Variants in ZNF787 observed in about 807,000 individuals in gnomAD.
ZNF787 encodes TTF-I-interacting peptide 20.
In ZNF787, 7 loss-of-function variants were observed where a neutral mutation model predicts 16.9. The observed-to-expected ratio is 0.42, with a 90% CI of 0.24 to 0.78. The LOEUF is 0.78. ZNF787 is among the 30% of genes least tolerant of loss of function. The pLI is 0.30. For missense variants in ZNF787, 551 were observed against 589.3 expected (o/e 0.94, Z 0.67); for synonymous variants, 345 against 270.9 (o/e 1.27, Z -2.69).
chr19:56,088,872 G>A lies in ZNF787; in HGVS notation c.300C>T (p.Gly100=). ...GERPNACADC[G]KTFSQSSHLV... is the part of the protein sequence containing the mutation. The stretch of plus-strand genomic sequence containing the variant: ...GGTGCGAGCTCTGCGAGAAGGTCTT[G>A]CCGCAGTCGGCGCAGGCGTTGGGCC... The change falls in exon 3 of 3, where the codon GGC becomes GGT. Residue 100 remains glycine, a synonymous_variant. Transcript: ENST00000610935. This position sits in a 1 kb window ranked among gnomAD's most constrained non-coding sequence, Gnocchi z 8.6. 6.2e-7 allele frequency: 1 copy of A among 1,608,100 alleles called. No individual in the cohort carries two copies. Among genetic ancestry groups the A allele is most frequent in the East Asian group, 2.2e-5 (1 of 44,658 alleles).
intron 1 of ZNF787, among the ~76,000 whole-genome samples, chr19:56,120,909 C>T (rs1277007062): frequency 7.3e-6 from 1 of 136,938 alleles, no homozygotes; most frequent in African/African-American, 2.7e-5. Context: ...CGCACGCGCA[C>T]CCCCCCTCCA....
intron 1 of ZNF787, among the ~76,000 whole-genome samples, chr19:56,104,689 CCAA>C (rs1462628168): frequency 2.0e-5 from 3 of 152,178 alleles, no homozygotes; most frequent in African/African-American, 7.2e-5. Context: ...TCTACGCACA[CCAA>C]CACCAACCTG....
chr19:56,117,048 T>G (rs57799124), intron 1 of ZNF787, among the ~76,000 whole-genome samples: 2 of 152,190 alleles, frequency 1.3e-5, no homozygotes, highest in East Asian at 3.9e-4. Flanking sequence ...CAGGGCAGGG[T>G]GGGATCTGGC....
intron 2 of ZNF787, among the ~76,000 whole-genome samples, chr19:56,096,444 G>T (rs1985877850): frequency 6.6e-6 from 1 of 151,302 alleles, no homozygotes; most frequent in Non-Finnish European, 1.5e-5. Flanking sequence ...GATAGGCTGG[G>T]CCGCTCATGC....
chr19:56,117,631 G>A (rs1439698600), intron 1 of ZNF787, among the ~76,000 whole-genome samples: 1 of 152,242 alleles, frequency 6.6e-6, no homozygotes, highest in Admixed American at 6.5e-5. Flanking sequence ...AACGGCATTT[G>A]TCCCCTTTAA....
chr19:56,111,065 A>G (rs909302057), intron 1 of ZNF787, among the ~76,000 whole-genome samples: 1 of 152,276 alleles, frequency 6.6e-6, no homozygotes, highest in Non-Finnish European at 1.5e-5. Flanking sequence ...ATATACCTAC[A>G]TGAAAAGTAG....
rs544587935 is a variant in ZNF787, at chr19:56,090,191, G to A, written c.80-1099C>T. 5.3e-5 allele frequency among the ~76,000 whole-genome samples: 8 copies of A among 152,280 alleles called. No homozygotes were observed. The East Asian group carries it at 5.8e-4, about 11-fold the overall frequency. ...GCCCAAACACCCTCCCAGATGCCAC[G>A]CTGGCAAACACGCAAGGAAGGGCCA... On this transcript the variant is annotated intron_variant, in intron 2 of 2. Coordinates refer to ENST00000610935, the MANE Select transcript of ZNF787 (RefSeq NM_001002836.4).
In ZNF787 at chr19:56,088,096, C is replaced by T. The variant is rs745357409; in HGVS notation, c.1076G>A (p.Gly359Glu). 2.0e-6 allele frequency: 3 copies of T among 1,518,396 alleles called. No homozygotes were observed. Among genetic ancestry groups the T allele is most frequent in the African/African-American group, 1.4e-5 (1 of 69,266 alleles). 94.1% of individuals were successfully genotyped at this position (1,518,396 alleles called of 1,614,324 possible). Reference sequence around the variant, plus strand: ...CTCGTCGTCGTCGTCCTCCTCCTCCCCGCCCGCGCGGTAGTAGCTCTGTCC... The same window carrying T: ...CTCGTCGTCGTCGTCCTCCTCCTCCTCGCCCGCGCGGTAGTAGCTCTGTCC... ...SCGQSYYRAG[G>E]EEEDDDDEAA... The change falls in exon 3 of 3, where the codon GGG (glycine) becomes GAG (glutamate). Residue 359 changes from glycine (G) to glutamate (E), a missense_variant. Around this residue, in one of 4 missense-constraint regions of ZNF787, gnomAD observed 392 missense variants for 312.7 expected, o/e 1.25. Coordinates refer to ENST00000610935, the MANE Select transcript of ZNF787 (RefSeq NM_001002836.4). This position sits in a 1 kb window ranked among gnomAD's most constrained non-coding sequence, Gnocchi z 8.6.
At position 56,088,740 on chromosome 19, in the gene ZNF787, G is replaced by A. The variant is rs1254020918; in HGVS notation, c.432C>T (p.His144=). The change falls in exon 3 of 3, where the codon CAC becomes CAT. Residue 144 remains histidine, a synonymous_variant. Coordinates refer to ENST00000610935, the MANE Select transcript of ZNF787 (RefSeq NM_001002836.4). This position sits in a 1 kb window ranked among gnomAD's most constrained non-coding sequence, Gnocchi z 8.6. ...GGCAGGTGTAGGGCTTCTCGCCCGTGTGGATGCGCTGGTGCTGCATGAGGT... is the reference window on the plus strand; with the variant it reads ...GGCAGGTGTAGGGCTTCTCGCCCGTATGGATGCGCTGGTGCTGCATGAGGT... ...SSNLMQHQRI[H]TGEKPYTCPD... 4.3e-6 allele frequency: 7 copies of A among 1,610,964 alleles called. No homozygotes were observed. Among genetic ancestry groups the A allele is most frequent in the Middle Eastern group, 1.6e-4 (1 of 6,078 alleles).
In ZNF787 at chr19:56,087,916, G is replaced by A. The variant is rs1357604888; in HGVS notation, c.*107C>T. On this transcript the variant is annotated 3_prime_UTR_variant, in exon 3 of 3. Coordinates refer to ENST00000610935, the MANE Select transcript of ZNF787 (RefSeq NM_001002836.4). ...AGGGCGGGGAGCCGGGGATGCCGCG[G>A]GGTCCATCGCACCCCGTCCGCTTCT... 6.3e-6 allele frequency: 8 copies of A among 1,278,190 alleles called. No homozygotes were observed. The highest frequency in any genetic ancestry group is 6.1e-4 in the Middle Eastern group (2 of 3,290). The allele number at this position is 1,278,190 out of a possible 1,614,324, so 79.2% of individuals were successfully genotyped here.
In ZNF787 at chr19:56,088,440, G is replaced by A. The variant is rs1245087537; in HGVS notation, c.732C>T (p.Ile244=). Residue 244 remains isoleucine, a synonymous_variant, in exon 3 of 3, where the codon ATC becomes ATT. Transcript: ENST00000610935. This position sits in a 1 kb window ranked among gnomAD's most constrained non-coding sequence, Gnocchi z 8.6. The part of the protein sequence containing the change: ...AIPVGDGEGI[I]VVGAPGEGAA... ...CCCCCTCGCCCGGCGCGCCCACCAC[G>A]ATGATGCCCTCGCCATCGCCCACGG... 8.9e-6 allele frequency: 11 copies of A among 1,237,462 alleles called. No individual in the cohort carries two copies. In the South Asian group the frequency reaches 9.6e-5, roughly 11 times the overall value. The allele number at this position is 1,237,462 out of a possible 1,614,324, so 76.7% of individuals were successfully genotyped here.
At chr19:56,109,719 A>T (rs1268759030) in intron 1 of ZNF787, among the ~76,000 whole-genome samples, 1 of 152,020 alleles carries the variant, frequency 6.6e-6, no homozygotes, top group Non-Finnish European at 1.5e-5. Context: ...CCCCATCTCT[A>T]CTAAAAATAC....
chr19:56,100,027 G>C (rs140627595), intron 2 of ZNF787, among the ~76,000 whole-genome samples: 1 of 152,302 alleles, frequency 6.6e-6, no homozygotes, highest in African/African-American at 2.4e-5. Flanking sequence ...CTGTGTGTAA[G>C]GCCACAGGGC....
At chr19:56,098,542 A>C in intron 2 of ZNF787, among the ~76,000 whole-genome samples, 1 of 136,404 alleles carries the variant, frequency 7.3e-6, no homozygotes, top group Admixed American at 7.1e-5. Flanking sequence ...CACCAGGGTG[A>C]TATGGCCGCC....
intron 2 of ZNF787, chr19:56,102,184 C>G (rs1364848015): frequency 6.6e-6 from 1 of 152,284 alleles, no homozygotes. Flanking sequence ...AGCTGGCAAG[C>G]TCTGCCGGCC....
chr19:56,091,509 A>G (rs1468550090), intron 2 of ZNF787, among the ~76,000 whole-genome samples: 1 of 152,196 alleles, frequency 6.6e-6, no homozygotes, highest in Non-Finnish European at 1.5e-5. Context: ...ATTTGCAACT[A>G]TCAAAGCAAT....
In ZNF787 at chr19:56,110,942, G is replaced by T. The variant is rs113620898; in HGVS notation, c.-10-7715C>A. Among the ~76,000 whole-genome samples, 348 of 152,324 alleles carry T rather than the reference G, an allele frequency of 2.3e-3. 1 individual carries two copies. The highest frequency in any genetic ancestry group is 7.0e-3 in the African/African-American group (293 of 41,596). On this transcript the variant is annotated intron_variant, in intron 1 of 2. Coordinates refer to ENST00000610935, the MANE Select transcript of ZNF787 (RefSeq NM_001002836.4). The stretch of plus-strand genomic sequence containing the variant: ...TCCTGCTGTGGTTATAGCTGGGTAG[G>T]GGGGTAGTGAGGCAGCCTATAGAGG...
At chr19:56,095,782 C>T (rs1012181821) in intron 2 of ZNF787, among the ~76,000 whole-genome samples, 4 of 152,218 alleles carry the variant, frequency 2.6e-5, no homozygotes, top group African/African-American at 9.6e-5. Flanking sequence ...CTGGTTTGGA[C>T]AAAACAGCTC....
intron 2 of ZNF787, among the ~76,000 whole-genome samples, chr19:56,100,060 G>C (rs559150221): frequency 6.6e-6 from 1 of 151,910 alleles, no homozygotes; most frequent in African/African-American, 2.4e-5. Flanking sequence ...GGGAAGAAGC[G>C]ACCATACTCG....
Sources: allele counts gnomAD v4.1 joint callset (sites outside exome capture counted in the v4.1 genomes callset), GRCh38; gene constraint gnomAD v4.1.1; regional missense constraint gnomAD v4.1.1; non-coding constraint Gnocchi (gnomAD v3.1); transcripts MANE v1.5; gene names NCBI Gene and HGNC (gene_info 2026-07-23, HGNC 2026-07-21).